Variants in PYGO1 observed in about 807,000 individuals in gnomAD.
PYGO1 encodes pygopus homolog 1.
PYGO1 carries 6 observed loss-of-function variants against 29.5 expected under a neutral mutation model. The observed-to-expected ratio is 0.20, with a 90% confidence interval of 0.11 to 0.40. The LOEUF (loss-of-function observed/expected upper bound fraction) is 0.40. Ranked by LOEUF, PYGO1 falls within the 10% of genes least tolerant of loss-of-function variation. The probability of loss-of-function intolerance (pLI) is 1.00; values close to 1 mark genes in which losing one functional copy is unlikely to be tolerated. For synonymous variants in PYGO1, 186 were observed against 180.5 expected, an observed-to-expected ratio of 1.03 and a Z score of -0.24; for missense variants, 515 against 514.9, an observed-to-expected ratio of 1.00 and a Z score of 0.00.
chr15:55,586,704 GCT>G (rs1400970413), intron 1 of PYGO1, among the ~76,000 whole-genome samples: 2 of 152,144 alleles, frequency 1.3e-5, no homozygotes, highest in African/African-American at 4.8e-5. Context: ...TTCAGAGACT[GCT>G]CTTCCCACGT....
At chr15:55,565,727 C>A (rs1039881149) in intron 1 of PYGO1, among the ~76,000 whole-genome samples, 2 of 151,668 alleles carry the variant, frequency 1.3e-5, no homozygotes, top group African/African-American at 4.8e-5. Flanking sequence ...CAAAAAAAAA[C>A]AAAAACAAAA....
At position 55,588,183 on chromosome 15, in the gene PYGO1, GCGC is replaced by G. The variant is rs542038034; in HGVS notation, c.-303_-301del. ...GGGCCGGCATGTGCTGAGGGCGAGT[GCGC>G]CGCCGCCGCCGCCGCCTCCTCCCAC... On this transcript the variant is annotated 5_prime_UTR_variant, in exon 1 of 3. Transcript: ENST00000563719. The G allele has an allele frequency of 7.6e-4, 260 of 342,904 alleles. No individual in the cohort carries two copies. Among genetic ancestry groups the G allele is most frequent in the Admixed American group, 1.6e-3 (25 of 15,204 alleles). 21.2% of individuals were successfully genotyped at this position (342,904 alleles called of 1,614,324 possible).
Position 55,546,778 on chromosome 15 carries a change from C to G in PYGO1, c.505G>C (p.Val169Leu), listed in dbSNP as rs144876912. 2.0e-3 allele frequency: 3,194 copies of G among 1,613,924 alleles called. 8 individuals are homozygous for G. Among genetic ancestry groups the G allele is most frequent in the Non-Finnish European group, 2.5e-3 (2,995 of 1,179,972 alleles). Reference protein sequence around the residue: ...PSYNNALSQNVNMPNQHFRQN... With the variant: ...PSYNNALSQNLNMPNQHFRQN... ...CTAAAATGTTGATTAGGCATGTTGA[C>G]ATTCTGACTTAGTGCATTATTATAA... is the stretch of plus-strand genomic sequence containing the variant. The change falls in exon 3 of 3, where the codon GTC becomes CTC. Residue 169 changes from valine (V) to leucine (L), a missense_variant. By Grantham distance (32) the Val-to-Leu change is conservative. Coordinates refer to ENST00000563719, the MANE Select transcript of PYGO1 (RefSeq NM_001367806.1).
intron 2 of PYGO1, 70 bp from the exon 3 acceptor site, chr15:55,547,217 T>A: frequency 7.3e-7 from 1 of 1,362,460 alleles, no homozygotes; most frequent in Non-Finnish European, 9.8e-7. Context: ...CCTGTTACCT[T>A]AATACCTGTG....
At chr15:55,581,206 A>G (rs2059023640) in intron 1 of PYGO1, among the ~76,000 whole-genome samples, 1 of 150,342 alleles carries the variant, frequency 6.7e-6, no homozygotes, top group Non-Finnish European at 1.5e-5. Context: ...CTGAACTGAA[A>G]CTTTGAGGAT....
intron 1 of PYGO1, among the ~76,000 whole-genome samples, chr15:55,552,180 C>T (rs1465004698): frequency 6.6e-6 from 1 of 151,720 alleles, no homozygotes; most frequent in African/African-American, 2.4e-5. Flanking sequence ...CATGGCGAAA[C>T]CCCGTCTCTA....
At chr15:55,565,410 C>T (rs2058951250) in intron 1 of PYGO1, among the ~76,000 whole-genome samples, 1 of 151,982 alleles carries the variant, frequency 6.6e-6, no homozygotes, top group Admixed American at 6.6e-5. Flanking sequence ...ATTTAAAAAT[C>T]ATATGTATTT....
At position 55,552,770 on chromosome 15, in the gene PYGO1, C is replaced by G. The variant is rs894301312; in HGVS notation, c.50-3775G>C. Among the ~76,000 whole-genome samples the G allele has an allele frequency of 7.2e-5, 11 of 152,086 alleles. No individual in the cohort carries two copies. The East Asian group carries it at 2.1e-3, about 29-fold the overall frequency. ...CAGCCACTCAGGCACACACAGAGAC[C>G]CAGGAGTTTTACATACTCCGGCCCC... On this transcript the variant is annotated intron_variant, in intron 1 of 2. Transcript: ENST00000563719.
intron 1 of PYGO1, among the ~76,000 whole-genome samples, chr15:55,551,005 C>A (rs952488848): frequency 6.6e-6 from 1 of 152,176 alleles, no homozygotes; most frequent in African/African-American, 2.4e-5. Flanking sequence ...AGATCCCTCG[C>A]ATGCACAGTT....
intron 1 of PYGO1, among the ~76,000 whole-genome samples, chr15:55,584,244 C>A (rs28711811): frequency 1.3e-5 from 2 of 151,608 alleles, no homozygotes; most frequent in Admixed American, 6.6e-5. Context: ...CAGCCTCCCA[C>A]GTAGCTAAGA....
chr15:55,584,046 C>T (rs931485958), intron 1 of PYGO1, among the ~76,000 whole-genome samples: 12 of 151,224 alleles, frequency 7.9e-5, no homozygotes, highest in Non-Finnish European at 1.8e-4. Context: ...CTATTTGTAG[C>T]TATTTATTTG....
chr15:55,548,576 C>A (rs150599187), intron 2 of PYGO1, among the ~76,000 whole-genome samples: 1 of 151,026 alleles, frequency 6.6e-6, no homozygotes, highest in Non-Finnish European at 1.5e-5. Context: ...CATGGTGGCG[C>A]GTGCCTGTAA....
At position 55,588,096 on chromosome 15, in the gene PYGO1, G is replaced by C. The variant is rs2059057579; in HGVS notation, c.-213C>G. On this transcript the variant is annotated 5_prime_UTR_variant, in exon 1 of 3. Coordinates refer to ENST00000563719, the MANE Select transcript of PYGO1 (RefSeq NM_001367806.1). ...GCGGCGGGGCGGCGGGGCGGCGTGCGGGCACCGGCGGGGCTCAGCGGCGGT... is the reference window on the plus strand; with the variant it reads ...GCGGCGGGGCGGCGGGGCGGCGTGCCGGCACCGGCGGGGCTCAGCGGCGGT... The C allele has an allele frequency of 2.0e-6, 2 of 1,002,460 alleles. No individual in the cohort carries two copies. Among genetic ancestry groups the C allele is most frequent in the Non-Finnish European group, 2.4e-6 (2 of 837,870 alleles). 62.1% of individuals were successfully genotyped at this position (1,002,460 alleles called of 1,614,324 possible).
intron 1 of PYGO1, among the ~76,000 whole-genome samples, chr15:55,570,998 T>A (rs1269363899): frequency 1.3e-5 from 2 of 152,170 alleles, no homozygotes; most frequent in Non-Finnish European, 2.9e-5. Context: ...ACTGAAACTA[T>A]ATCCATCAAG....
chr15:55,547,180 T>A (rs2141644449), intron 2 of PYGO1, 33 bp from the exon 3 acceptor site: 1 of 1,506,540 alleles, frequency 6.6e-7, no homozygotes, highest in East Asian at 2.3e-5. Context: ...AATACATGTT[T>A]TCGATCAAAT....
chr15:55,557,256 A>T (rs1004297759), intron 1 of PYGO1, among the ~76,000 whole-genome samples: 8 of 152,334 alleles, frequency 5.3e-5, no homozygotes, highest in Non-Finnish European at 8.8e-5. Flanking sequence ...AAATGCATAA[A>T]TTCCTCGACA....
intron 1 of PYGO1, among the ~76,000 whole-genome samples, chr15:55,551,548 A>G (rs904460729): frequency 2.6e-5 from 4 of 152,106 alleles, no homozygotes; most frequent in African/African-American, 9.7e-5. Flanking sequence ...GATAATCTCA[A>G]CACTTTAAGA....
intron 1 of PYGO1, among the ~76,000 whole-genome samples, chr15:55,573,351 T>C (rs1167899180): frequency 2.0e-5 from 3 of 150,944 alleles, no homozygotes; most frequent in African/African-American, 7.3e-5. Flanking sequence ...CAAGTGTTGG[T>C]GAGGATGTGG....
At chr15:55,551,590 G>A (rs1413904530) in intron 1 of PYGO1, among the ~76,000 whole-genome samples, 2 of 152,028 alleles carry the variant, frequency 1.3e-5, no homozygotes, top group Admixed American at 6.6e-5. Context: ...CAGCCCAAGA[G>A]TCTGAGACCA....
Sources: gnomAD v4.1 joint callset for allele counts (sites outside exome capture counted in the v4.1 genomes callset) on GRCh38, gnomAD v4.1.1 for gene constraint, MANE v1.5 for transcripts, NCBI Gene and HGNC (gene_info 2026-07-23, HGNC 2026-07-21) for gene names.